GARIN2: variants seen among roughly 807,000 people sequenced by gnomAD.
GARIN2 encodes Golgi-associated RAB2 interactor protein 2.
chr14:67,201,168 C>T, the GARIN2 span, among the ~76,000 whole-genome samples: 2 of 152,132 alleles, frequency 1.3e-5, no homozygotes, highest in African/African-American at 4.8e-5. Flanking sequence ...GTGCTGCACA[C>T]CTGTATTCCT....
the GARIN2 span, chr14:67,227,807 T>A: frequency 6.6e-6 from 1 of 152,206 alleles, no homozygotes; most frequent in African/African-American, 2.4e-5. Flanking sequence ...ATAATCTTAA[T>A]CTTAACATCC....
the GARIN2 span, chr14:67,199,525 A>G: frequency 6.2e-7 from 1 of 1,611,866 alleles, no homozygotes; most frequent in Non-Finnish European, 8.5e-7. Context: ...TTGATGCTTC[A>G]GTTGCAGCAA....
At chr14:67,215,188 C>T in the GARIN2 span, among the ~76,000 whole-genome samples, 1 of 152,232 alleles carries the variant, frequency 6.6e-6, no homozygotes, top group Non-Finnish European at 1.5e-5. Flanking sequence ...TCTCCTGAAG[C>T]CCTACAGTCA....
the GARIN2 span, chr14:67,200,125 C>A: frequency 9.3e-7 from 1 of 1,078,184 alleles, no homozygotes; most frequent in Non-Finnish European, 1.4e-6. Flanking sequence ...CCCCCGAAGG[C>A]CTCCATTCTG....
At chr14:67,223,520 C>T in the GARIN2 span, among the ~76,000 whole-genome samples, 5 of 152,204 alleles carry the variant, frequency 3.3e-5, no homozygotes, top group Non-Finnish European at 7.3e-5. Flanking sequence ...CTTCGACAAT[C>T]TAGCAGGCAG....
the GARIN2 span, chr14:67,204,626 A>C: frequency 1.2e-6 from 2 of 1,613,840 alleles, no homozygotes; most frequent in Admixed American, 3.3e-5. Context: ...CGAGCCTACT[A>C]CTTACAGCTC....
chr14:67,222,376 C>G, the GARIN2 span, among the ~76,000 whole-genome samples: 1 of 152,144 alleles, frequency 6.6e-6, no homozygotes, highest in Non-Finnish European at 1.5e-5. Flanking sequence ...TGCAACCTCT[C>G]TGCCTTTTGA....
chr14:67,195,316 C>A, the GARIN2 span, among the ~76,000 whole-genome samples: 160 of 152,256 alleles, frequency 1.1e-3, no homozygotes, highest in African/African-American at 3.6e-3. Context: ...TTTCCTCCTC[C>A]CTCTCTGTGT....
chr14:67,199,203 A>G, the GARIN2 span: 3 of 1,606,638 alleles, frequency 1.9e-6, no homozygotes, highest in Non-Finnish European at 2.6e-6. Context: ...GCCAAAGGAT[A>G]GAGTCACTGG....
the GARIN2 span, among the ~76,000 whole-genome samples, chr14:67,207,800 A>T: frequency 6.6e-6 from 1 of 152,194 alleles, no homozygotes; most frequent in Non-Finnish European, 1.5e-5. Flanking sequence ...TTTCTTTTAT[A>T]TTATGAGCCC....
At chr14:67,215,513 AAAC>A in the GARIN2 span, among the ~76,000 whole-genome samples, 546 of 151,254 alleles carry the variant, frequency 3.6e-3, no homozygotes, top group Non-Finnish European at 6.6e-3. Flanking sequence ...AAAGATTAAA[AAAC>A]AACAACAACA....
the GARIN2 span, chr14:67,204,783 C>T: frequency 6.2e-7 from 1 of 1,613,886 alleles, no homozygotes; most frequent in Non-Finnish European, 8.5e-7. Context: ...TCACAGGCTC[C>T]ATGGATGTGA....
At chr14:67,221,790 C>T in the GARIN2 span, 1 of 1,613,226 alleles carries the variant, frequency 6.2e-7, no homozygotes, top group African/African-American at 1.3e-5. Context: ...AGCTTGAGAA[C>T]TGAATCAAAC....
At chr14:67,198,181 A>G in the GARIN2 span, 1 of 1,613,178 alleles carries the variant, frequency 6.2e-7, no homozygotes, top group Middle Eastern at 1.7e-4. Context: ...AACACCAGCA[A>G]GACTACCATG....
chr14:67,213,032 G>A, the GARIN2 span, among the ~76,000 whole-genome samples: 1 of 150,966 alleles, frequency 6.6e-6, no homozygotes, highest in Non-Finnish European at 1.5e-5. Context: ...AGATGTAAAT[G>A]CTTAGGCCTC....
the GARIN2 span, among the ~76,000 whole-genome samples, chr14:67,206,597 T>C: frequency 6.6e-6 from 1 of 152,078 alleles, no homozygotes; most frequent in Non-Finnish European, 1.5e-5. Context: ...TATAATAAAA[T>C]GTTAAGTGAA....
At chr14:67,205,070 G>T in the GARIN2 span, 67 of 1,550,676 alleles carry the variant, frequency 4.3e-5, no homozygotes, top group Non-Finnish European at 5.8e-5. Flanking sequence ...GACTTAATCA[G>T]GGCCAAGCAA....
the GARIN2 span, among the ~76,000 whole-genome samples, chr14:67,192,867 T>C: frequency 6.9e-6 from 1 of 145,772 alleles, no homozygotes; most frequent in African/African-American, 2.5e-5. Context: ...CAGATATATA[T>C]AGATATATAG....
At chr14:67,198,325 A>G in the GARIN2 span, 1 of 1,610,378 alleles carries the variant, frequency 6.2e-7, no homozygotes, top group South Asian at 1.1e-5. Flanking sequence ...ATCCAGGTAA[A>G]TCATATTCAA....
Sources: gnomAD v4.1 joint callset for allele counts (sites outside exome capture counted in the v4.1 genomes callset) on GRCh38, gnomAD v4.1.1 for gene constraint, MANE v1.5 for transcripts, NCBI Gene and HGNC (gene_info 2026-07-23, HGNC 2026-07-21) for gene names.